The following B3GALT1 variants were observed in gnomAD, a reference collection of about 807,000 sequenced individuals.
B3GALT1 encodes the protein UDP-Gal:betaGlcNAc beta 1,3-galactosyltransferase, polypeptide 1.
B3GALT1 carries 10 observed loss-of-function variants against 23.2 expected under a neutral mutation model. The observed-to-expected ratio is 0.43, with a 90% CI of 0.27 to 0.73. B3GALT1 has a LOEUF of 0.73. B3GALT1 is among the 30% of genes least tolerant of loss of function. B3GALT1 has a pLI of 0.21. For missense variants in B3GALT1, 299 were observed against 405.4 expected (o/e 0.74, Z 2.25); for synonymous variants, 156 against 141.5 (o/e 1.10, Z -0.73).
At chr2:167,633,418 C>A (rs1283308956) in intron 2 of B3GALT1, among the ~76,000 whole-genome samples, 4 of 151,544 alleles carry the variant, frequency 2.6e-5, no homozygotes, top group African/African-American at 9.7e-5. Context: ...TTCAGGAGAC[C>A]CATCTCACAT....
chr2:167,298,195 C>T (rs901303683), intron 1 of B3GALT1, among the ~76,000 whole-genome samples: 3 of 152,064 alleles, frequency 2.0e-5, no homozygotes, highest in Non-Finnish European at 4.4e-5. Flanking sequence ...GGGAAGAACC[C>T]AGGTGATTCT....
rs1553510007 is a variant in B3GALT1 at position 167,303,682 on chromosome 2, C to CAG, written c.-511+10356_-511+10357dup. Among the ~76,000 whole-genome samples the CAG allele has an allele frequency of 7.2e-3, 1,076 of 148,716 alleles. 17 individuals are homozygous for CAG. The highest frequency in any genetic ancestry group is 0.034 in the East Asian group (164 of 4,818). ...ACACACACACACACACACACACACA[C>CAG]AGAGAGAGACCTTGTTGCTGCCATT... On this transcript the variant is annotated intron_variant, in intron 1 of 4. Coordinates refer to ENST00000392690, the MANE Select transcript of B3GALT1 (RefSeq NM_020981.4).
chr2:167,779,958 G>C (rs1688220481), intron 3 of B3GALT1, among the ~76,000 whole-genome samples: 1 of 152,248 alleles, frequency 6.6e-6, no homozygotes, highest in South Asian at 2.1e-4. Flanking sequence ...ATTTTAAAAT[G>C]TATATCAAAA....
chr2:167,413,196 TGGG>T (rs909637460), intron 1 of B3GALT1, among the ~76,000 whole-genome samples: 1 of 151,926 alleles, frequency 6.6e-6, no homozygotes, highest in African/African-American at 2.4e-5. Context: ...AGGAGAGAGA[TGGG>T]GGGATAGAAA....
intron 4 of B3GALT1, among the ~76,000 whole-genome samples, chr2:167,863,950 G>C (rs1212148276): frequency 1.3e-5 from 2 of 151,026 alleles, no homozygotes; most frequent in East Asian, 3.9e-4. Context: ...CAGGAAAAAA[G>C]GTCAGTAGAA....
At chr2:167,785,024 T>C (rs1276885913) in intron 3 of B3GALT1, among the ~76,000 whole-genome samples, 1 of 152,244 alleles carries the variant, frequency 6.6e-6, no homozygotes, top group Non-Finnish European at 1.5e-5. Context: ...ATCTGCCGTG[T>C]ACATCTGACC....
intron 1 of B3GALT1, among the ~76,000 whole-genome samples, chr2:167,367,368 G>A (rs1697604386): frequency 6.6e-6 from 1 of 152,128 alleles, no homozygotes; most frequent in African/African-American, 2.4e-5. Flanking sequence ...GGATGTGATG[G>A]ACTACCCATT....
At chr2:167,599,295 T>C (rs1053116314) in intron 2 of B3GALT1, among the ~76,000 whole-genome samples, 8 of 152,130 alleles carry the variant, frequency 5.3e-5, no homozygotes, top group Non-Finnish European at 7.3e-5. Flanking sequence ...CTTTTTAGAG[T>C]CTGGAGTATA....
chr2:167,555,786 T>A (rs1558903268), intron 2 of B3GALT1, among the ~76,000 whole-genome samples: 1 of 152,162 alleles, frequency 6.6e-6, no homozygotes, highest in Non-Finnish European at 1.5e-5. Flanking sequence ...TATGGCGTGT[T>A]AATATATCCT....
intron 1 of B3GALT1, among the ~76,000 whole-genome samples, chr2:167,482,697 G>A (rs1230231228): frequency 2.6e-5 from 4 of 151,956 alleles, no homozygotes; most frequent in African/African-American, 7.3e-5. Flanking sequence ...AAAATTAGCC[G>A]GGCATGGTGG....
chr2:167,780,919 T>C (rs1688235329), intron 3 of B3GALT1, among the ~76,000 whole-genome samples: 2 of 152,204 alleles, frequency 1.3e-5, no homozygotes, highest in Admixed American at 6.5e-5. Context: ...GTGTACAACA[T>C]TGTGAATGTA....
At chr2:167,656,244 A>G (rs909988468) in intron 3 of B3GALT1, among the ~76,000 whole-genome samples, 6 of 152,112 alleles carry the variant, frequency 3.9e-5, no homozygotes, top group Non-Finnish European at 8.8e-5. Context: ...CCCAAGTTCT[A>G]ATAGAGCTCA....
rs1687112907 is a variant in B3GALT1 at position 167,714,480 on chromosome 2, A to T, written c.-352+67514A>T. 6 of 1,603,558 alleles carry T rather than the reference A, an allele frequency of 3.7e-6. No homozygotes were observed. The Admixed American group carries it at 1.0e-4, about 27-fold the overall frequency. ...GGAGAGAGAAAAGCTCTCGTTTCAG[A>T]TGAAGGCTGACCCAACGGTGAGGGA... is the stretch of plus-strand genomic sequence containing the variant. On this transcript the variant is annotated intron_variant, in intron 3 of 4. Transcript: ENST00000392690.
rs143800350 is a variant in B3GALT1, at chr2:167,344,168, A to G, written c.-511+50834A>G. The stretch of plus-strand genomic sequence containing the variant: ...GTAACAAGTAGTGTGAACCATGGCC[A>G]TAATTGAAATAAAACAAATAAGGAT... On this transcript the variant is annotated intron_variant, in intron 1 of 4. Coordinates refer to ENST00000392690, the MANE Select transcript of B3GALT1 (RefSeq NM_020981.4). 3.9e-5 allele frequency among the ~76,000 whole-genome samples: 6 copies of G among 152,304 alleles called. No homozygotes were observed. The East Asian group carries it at 5.8e-4, about 15-fold the overall frequency.
At chr2:167,409,688 G>A (rs1301923422) in intron 1 of B3GALT1, among the ~76,000 whole-genome samples, 2 of 151,896 alleles carry the variant, frequency 1.3e-5, no homozygotes, top group Non-Finnish European at 2.9e-5. Flanking sequence ...CCTTGCATTG[G>A]GTTAGAACAT....
At chr2:167,489,299 T>G (rs1256211762) in intron 1 of B3GALT1, among the ~76,000 whole-genome samples, 1 of 152,188 alleles carries the variant, frequency 6.6e-6, no homozygotes, top group East Asian at 1.9e-4. Flanking sequence ...CATAACAGTT[T>G]GTAAAGGTTA....
rs532504357 is a variant in B3GALT1, at chr2:167,799,309, C to T, written c.-351-19363C>T. Among the ~76,000 whole-genome samples, 345 of 152,118 alleles carry T rather than the reference C, an allele frequency of 2.3e-3. 2 individuals are homozygous for T. The highest frequency in any genetic ancestry group is 8.0e-3 in the African/African-American group (334 of 41,500). On this transcript the variant is annotated intron_variant, in intron 3 of 4. Transcript: ENST00000392690. The stretch of plus-strand genomic sequence containing the variant: ...ACCGTCCGAACAGTGTACATTGTAC[C>T]CAATAGGTGATTTTTATATCCTTAG...
chr2:167,408,928 G>T, intron 1 of B3GALT1, among the ~76,000 whole-genome samples: 1 of 152,016 alleles, frequency 6.6e-6, no homozygotes, highest in East Asian at 1.9e-4. Flanking sequence ...TTAATATTGT[G>T]AAAATGGGCA....
chr2:167,567,515 CT>C (rs1684194206), intron 2 of B3GALT1, among the ~76,000 whole-genome samples: 1 of 152,134 alleles, frequency 6.6e-6, no homozygotes, highest in African/African-American at 2.4e-5. Context: ...AAAATATCTA[CT>C]GTCACTATGC....
Sources: allele counts gnomAD v4.1 joint callset (sites outside exome capture counted in the v4.1 genomes callset), GRCh38; gene constraint gnomAD v4.1.1; transcripts MANE v1.5; gene names NCBI Gene and HGNC (gene_info 2026-07-23, HGNC 2026-07-21).